The following CASQ1 variants were observed in gnomAD, a reference collection of about 807,000 sequenced individuals.
CASQ1 encodes the protein calsequestrin 1, also known as calsequestrin-1.
Under a neutral mutation model 49.5 loss-of-function variants are expected in CASQ1, and 40 were observed. The ratio of observed to expected loss-of-function variants is 0.81; its 90% CI spans 0.63 to 1.05. The LOEUF is 1.05. Ranked by LOEUF, CASQ1 falls within the 50% of genes least tolerant of loss-of-function variation. CASQ1 has a pLI of 0.00. For missense variants in CASQ1, 469 were observed against 486.9 expected (o/e 0.96, Z 0.35); for synonymous variants, 174 against 187.2 (o/e 0.93, Z 0.58).
At chr1:160,195,584 C>A in intron 5 of CASQ1, 50 bp downstream of exon 5, 1 of 1,527,744 alleles carries the variant, frequency 6.5e-7, no homozygotes, top group Non-Finnish European at 9.1e-7. Context: ...CTGAAGCTGT[C>A]CTCCAGTTTC....
At chr1:160,197,164 A>ACT (rs139968290) in intron 6 of CASQ1, among the ~76,000 whole-genome samples, 3,804 of 151,882 alleles carry the variant, frequency 0.025, 139 homozygotes, top group African/African-American at 0.08. Context: ...TACAGTACTT[A>ACT]CTCTCCCATA....
chr1:160,198,589 C>A, intron 7 of CASQ1, 88 bp from the exon 8 acceptor site: 1 of 908,160 alleles, frequency 1.1e-6, no homozygotes, highest in South Asian at 1.5e-5. Flanking sequence ...GTTCAATGAA[C>A]ATCTAGGATC....
chr1:160,192,917 G>A (rs1654110615), intron 2 of CASQ1, 31 bp downstream of exon 2: 1 of 1,580,180 alleles, frequency 6.3e-7, no homozygotes, highest in Non-Finnish European at 8.7e-7. Context: ...GGAGGGGAAG[G>A]TGGCATTGAG....
intron 4 of CASQ1, 91 bp from the exon 5 acceptor site, chr1:160,195,370 C>A: frequency 8.1e-7 from 1 of 1,238,466 alleles, no homozygotes. Flanking sequence ...AAAATGAACC[C>A]TGCCTGCAAA....
At chr1:160,192,911 G>A (rs767772208) in intron 2 of CASQ1, 25 bp downstream of exon 2, 1 of 1,594,114 alleles carries the variant, frequency 6.3e-7, no homozygotes, top group South Asian at 1.1e-5. Context: ...GGCAGGGGAG[G>A]GGAAGGTGGC....
At position 160,190,946 on chromosome 1, in the gene CASQ1, G is replaced by A; in HGVS notation, c.195G>A (p.Glu65=). The change falls in exon 1 of 11, where the codon GAG becomes GAA. Residue 65 remains glutamate, a synonymous_variant. Coordinates refer to ENST00000368078, the MANE Select transcript of CASQ1 (RefSeq NM_001231.5). ...KNYKNVFKKY[E]VLALLYHEPP... is the part of the protein sequence containing the mutation. The stretch of plus-strand genomic sequence containing the variant: ...ACAAGAATGTGTTCAAGAAGTATGA[G>A]GTGCTGGCACTCCTCTACCATGAAC... 6.2e-7 allele frequency: 1 copy of A among 1,614,178 alleles called. No individual in the cohort carries two copies. Among genetic ancestry groups the A allele is most frequent in the Non-Finnish European group, 8.5e-7 (1 of 1,180,022 alleles).
Position 160,195,116 on chromosome 1 carries a change from C to T in CASQ1, c.570C>T (p.Asp190=), listed in dbSNP as rs377154249. The T allele has an allele frequency of 4.6e-5, 74 of 1,602,154 alleles. 1 individual carries two copies. The highest frequency in any genetic ancestry group is 5.0e-5 in the Non-Finnish European group (59 of 1,171,408). ...TCATTGGCTACTTCAAGAGCAAAGA[C>T]TCAGAGCGTGGGTAACCCTCAGACT... ...IKLIGYFKSK[D]SEHYKAFEDA... Residue 190 remains aspartate (D), a synonymous_variant, in exon 4 of 11, where the codon GAC becomes GAT. Transcript: ENST00000368078.
At chr1:160,198,040 A>G (rs542725909) in intron 7 of CASQ1, among the ~76,000 whole-genome samples, 22 of 152,136 alleles carry the variant, frequency 1.4e-4, no homozygotes, top group African/African-American at 5.3e-4. Context: ...AAAACAGTGC[A>G]CTAGCAGCAA....
chr1:160,192,956 G>C, intron 2 of CASQ1, 70 bp downstream of exon 2: 2 of 1,227,554 alleles, frequency 1.6e-6, no homozygotes, highest in South Asian at 2.4e-5. Context: ...CGGAGGACCT[G>C]TCAGGCAGTC....
intron 6 of CASQ1, 128 bp downstream of exon 6, chr1:160,196,155 G>A (rs1654221632): frequency 1.2e-6 from 1 of 807,340 alleles, no homozygotes; most frequent in African/African-American, 1.7e-5. Context: ...AATACACTTT[G>A]GGCACCAGTG....
chr1:160,192,719 G>T, intron 1 of CASQ1, 83 bp from the exon 2 acceptor site: 1 of 1,218,652 alleles, frequency 8.2e-7, no homozygotes, highest in South Asian at 1.3e-5. Flanking sequence ...CACCTCAACT[G>T]ACCCAACTTG....
chr1:160,190,916 G>T lies in CASQ1; in HGVS notation c.165G>T (p.Lys55Asn), dbSNP rs753966210. The T allele has an allele frequency of 3.7e-6, 6 of 1,614,176 alleles. No homozygotes were observed. Among genetic ancestry groups the T allele is most frequent in the Middle Eastern group, 3.3e-4 (2 of 6,062 alleles). The change falls in exon 1 of 11, where the codon AAG becomes AAT. Residue 55 changes from lysine to asparagine, a missense_variant. By Grantham distance (94) the Lys-to-Asn change is moderately conservative. Transcript: ENST00000368078. ...GVDRVINVNAKNYKNVFKKYE... is the reference protein window; with the variant it reads ...GVDRVINVNANNYKNVFKKYE... ...ACCGTGTGATCAATGTCAATGCAAA[G>T]AACTACAAGAATGTGTTCAAGAAGT...
At position 160,201,350 on chromosome 1, in the gene CASQ1, G is replaced by A. The variant is rs754053455; in HGVS notation, c.1165G>A (p.Asp389Asn). 22 of 1,613,926 alleles carry A rather than the reference G, an allele frequency of 1.4e-5. No homozygotes were observed. ...CCTGGAGGGCGAGATCAACACAGAG[G>A]ACGATGACGATGATGATGATGACTA... is the stretch of plus-strand genomic sequence containing the variant. ...DVLEGEINTE[D>N]DDDDDDD Residue 389 changes from aspartate (D) to asparagine (N), a missense_variant, in exon 11 of 11, where the codon GAC (aspartate) becomes AAC (asparagine). Transcript: ENST00000368078.
intron 10 of CASQ1, among the ~76,000 whole-genome samples, chr1:160,200,937 TAAG>T (rs2101679424): frequency 6.6e-6 from 1 of 152,336 alleles, no homozygotes. Context: ...TTTATTCTTA[TAAG>T]CCATGAAGAG....
chr1:160,198,534 G>A (rs1049879363), intron 7 of CASQ1, 143 bp from the exon 8 acceptor site: 27 of 622,632 alleles, frequency 4.3e-5, no homozygotes, highest in South Asian at 1.9e-4. Context: ...CCCAAAAAAC[G>A]AAAGAATATA....
intron 2 of CASQ1, 110 bp downstream of exon 2, chr1:160,192,996 C>A: frequency 1.2e-6 from 1 of 826,214 alleles, no homozygotes; most frequent in Non-Finnish European, 2.1e-6. Flanking sequence ...GGGAATCTCT[C>A]AGATTTATGT....
At position 160,191,036 on chromosome 1, in the gene CASQ1, T is replaced by C. The variant is rs754699536; in HGVS notation, c.279+6T>C. 26 of 1,612,854 alleles carry C rather than the reference T, an allele frequency of 1.6e-5. No individual in the cohort carries two copies. In the Admixed American group the frequency reaches 2.8e-4, roughly 18 times the overall value. On this transcript the variant is annotated splice_donor_region_variant and intron_variant, in intron 1 of 10. Transcript: ENST00000368078. Reference sequence around the variant, plus strand: ...TGGAGGAGCTGATCCTGGAGGTGAGTTGGGGGCACTGCAGGCCTGCAGAGC... The same window carrying C: ...TGGAGGAGCTGATCCTGGAGGTGAGCTGGGGGCACTGCAGGCCTGCAGAGC...
Position 160,201,708 on chromosome 1 carries a change from T to C in CASQ1, c.*332T>C, listed in dbSNP as rs115176270. The stretch of plus-strand genomic sequence containing the variant: ...ATATATGGGCCCCATCTCTGTTCTG[T>C]TCCCTCCATCTATGCACAGCTTTCC... On this transcript the variant is annotated 3_prime_UTR_variant, in exon 11 of 11. Coordinates refer to ENST00000368078, the MANE Select transcript of CASQ1 (RefSeq NM_001231.5). 1,166 of 349,492 alleles carry C rather than the reference T, an allele frequency of 3.3e-3. 16 individuals are homozygous for C. The highest frequency in any genetic ancestry group is 0.022 in the African/African-American group (1,077 of 48,372). 21.6% of individuals were successfully genotyped at this position (349,492 alleles called of 1,614,324 possible). A position where few individuals can be genotyped will look rare whatever the true frequency, so the allele number is the denominator to read the frequency against.
At chr1:160,195,833 A>T (rs1654211047) in intron 5 of CASQ1, 64 bp from the exon 6 acceptor site, 2 of 1,551,648 alleles carry the variant, frequency 1.3e-6, no homozygotes, top group Non-Finnish European at 1.8e-6. Context: ...TTCCCCCATT[A>T]TACTGCTTCT....
Sources: gnomAD v4.1 joint callset for allele counts (sites outside exome capture counted in the v4.1 genomes callset) on GRCh38, gnomAD v4.1.1 for gene constraint, MANE v1.5 for transcripts, NCBI Gene and HGNC (gene_info 2026-07-23, HGNC 2026-07-21) for gene names.